The following PLA2G4F variants were observed in gnomAD, a reference collection of about 807,000 sequenced individuals.
The protein encoded by PLA2G4F is cytosolic phospholipase A2 zeta.
PLA2G4F carries 105 observed loss-of-function variants against 103.1 expected under a neutral mutation model. That is an observed-to-expected ratio of 1.02 (90% CI 0.87 to 1.20). The LOEUF (loss-of-function observed/expected upper bound fraction) is 1.20, where lower values mean the gene tolerates loss of function less well. Ranked by LOEUF, PLA2G4F falls within the 50% of genes most tolerant of loss-of-function variation. The pLI is 0.00. For synonymous variants in PLA2G4F, 468 were observed against 441.1 expected (o/e 1.06, Z -0.76); for missense variants, 1,155 against 1,075.9 (o/e 1.07, Z -1.03).
chr15:42,150,687 G>T lies in PLA2G4F; in HGVS notation c.692C>A (p.Pro231His). 1 of 1,613,832 alleles carries T rather than the reference G, an allele frequency of 6.2e-7. No individual in the cohort carries two copies. Among genetic ancestry groups the T allele is most frequent in the Non-Finnish European group, 8.5e-7 (1 of 1,179,940 alleles). ...LQPPTEPGLP[P>H]TFTFHVNPVL... ...TGGGTTCACGTGGAAGGTAAAGGTG[G>T]GTGGGAGGCCTGGCTCTGTGGGAGG... is the stretch of plus-strand genomic sequence containing the variant. The change falls in exon 8 of 20, where the codon CCC (proline) becomes CAC (histidine). Residue 231 changes from proline to histidine, a missense_variant. This residue lies in a region of PLA2G4F where 370 missense variants were observed against 364.9 expected (regional missense o/e 1.01). Coordinates refer to ENST00000397272, the MANE Select transcript of PLA2G4F (RefSeq NM_213600.4).
Position 42,150,719 on chromosome 15 carries a change from G to C in PLA2G4F, c.660C>G (p.Pro220=). 5 of 1,612,992 alleles carry C rather than the reference G, an allele frequency of 3.1e-6. No individual in the cohort carries two copies. Among genetic ancestry groups the C allele is most frequent in the Non-Finnish European group, 4.2e-6 (5 of 1,179,680 alleles). The change falls in exon 8 of 20, where the codon CCC becomes CCG. Residue 220 remains proline, a synonymous_variant. Transcript: ENST00000397272. The stretch of plus-strand genomic sequence containing the variant: ...GGCCTGGCTCTGTGGGAGGCTGCAG[G>C]GGCAAGAGCTGTGGCTTCTCGTAGG... ...PGAYEKPQLL[P]LQPPTEPGLP...
chr15:42,139,448 T>G lies in PLA2G4F; in HGVS notation c.*2536A>C, dbSNP rs2048811028. ...ACTTGTGGCCCCCTTTTTCTTCCCT[T>G]GCCTCATGAGGAGCTCTGACAAGTT... On this transcript the variant is annotated 3_prime_UTR_variant, in exon 20 of 20. Transcript: ENST00000397272. 1 of 152,166 alleles carries G rather than the reference T, an allele frequency of 6.6e-6. No homozygotes were observed. Among genetic ancestry groups the G allele is most frequent in the South Asian group, 2.1e-4 (1 of 4,820 alleles). The allele number at this position is 152,166 out of a possible 1,614,324, so 9.4% of individuals were successfully genotyped here. A position where few individuals can be genotyped will look rare whatever the true frequency, so the allele number is the denominator to read the frequency against.
At chr15:42,148,960 G>A (rs532924903) in intron 11 of PLA2G4F, 7 of 985,238 alleles carry the variant, frequency 7.1e-6, no homozygotes, top group East Asian at 1.1e-4. Flanking sequence ...CCTTGTCAGC[G>A]CTGGGCCACA....
chr15:42,147,415 C>T (rs2048904380), intron 12 of PLA2G4F, 69 bp from the exon 13 acceptor site: 1 of 1,481,380 alleles, frequency 6.8e-7, no homozygotes, highest in African/African-American at 1.4e-5. Flanking sequence ...GGTGCAGAGT[C>T]TGTGAGTGGC....
intron 11 of PLA2G4F, among the ~76,000 whole-genome samples, chr15:42,148,037 G>A (rs939345589): frequency 2.0e-5 from 3 of 152,094 alleles, no homozygotes; most frequent in Non-Finnish European, 2.9e-5. Context: ...AAATTAGCCG[G>A]GCATGGTGGT....
At position 42,150,430 on chromosome 15, in the gene PLA2G4F, G is replaced by C; in HGVS notation, c.828C>G (p.Ile276Met). ...GGCCTAGGGGCAGAGAGGAGAGCAG[G>C]ATGCCCCCCTCGCCCAGCTTGCTGG... Reference protein sequence around the residue: ...AQTSKLGEGGILLSSLPLGQE... With the variant: ...AQTSKLGEGGMLLSSLPLGQE... The change falls in exon 9 of 20, where the codon ATC (isoleucine) becomes ATG (methionine). Residue 276 changes from isoleucine to methionine, a missense_variant. Physicochemically the swap from Ile to Met is conservative, Grantham distance 10. Around this residue, in one of 3 missense-constraint regions of PLA2G4F, gnomAD observed 370 missense variants for 364.9 expected, o/e 1.01. Coordinates refer to ENST00000397272, the MANE Select transcript of PLA2G4F (RefSeq NM_213600.4). 1.9e-6 allele frequency: 3 copies of C among 1,613,470 alleles called. No individual in the cohort carries two copies. The highest frequency in any genetic ancestry group is 1.1e-5 in the South Asian group (1 of 90,958).
chr15:42,152,809 G>A (rs1278628246), intron 6 of PLA2G4F, 55 bp from the exon 7 acceptor site: 1 of 1,506,802 alleles, frequency 6.6e-7, no homozygotes, highest in East Asian at 2.5e-5. Context: ...CAGCCAGGAT[G>A]GAGAGAGGGA....
At position 42,147,701 on chromosome 15, in the gene PLA2G4F, C is replaced by G. The variant is rs140679522; in HGVS notation, c.1121G>C (p.Gly374Ala). ...GGTRAMSSLY[G>A]SLAGLQELGL... is the part of the protein sequence containing the mutation. ...GAGCTCCTGCAACCCTGCCAGGCTG[C>G]CGTACAGAGAAGACATGGCTCGGGT... The change falls in exon 12 of 20, where the codon GGC becomes GCC. Residue 374 changes from glycine to alanine, a missense_variant. Coordinates refer to ENST00000397272, the MANE Select transcript of PLA2G4F (RefSeq NM_213600.4). 1 of 1,613,964 alleles carries G rather than the reference C, an allele frequency of 6.2e-7. No homozygotes were observed. The highest frequency in any genetic ancestry group is 8.5e-7 in the Non-Finnish European group (1 of 1,179,996).
chr15:42,147,965 C>A (rs147884671), intron 11 of PLA2G4F: 3 of 354,464 alleles, frequency 8.5e-6, no homozygotes, highest in South Asian at 2.3e-4. Context: ...CCGAGGCGGG[C>A]GGATCATGAG....
At position 42,147,171 on chromosome 15, in the gene PLA2G4F, G is replaced by T; in HGVS notation, c.1372C>A (p.Leu458Ile). Residue 458 changes from leucine (L) to isoleucine (I), a missense_variant, in exon 13 of 20, where the codon CTC (leucine) becomes ATC (isoleucine). Physicochemically the swap from Leu to Ile is conservative, Grantham distance 5 (BLOSUM62 2). Coordinates refer to ENST00000397272, the MANE Select transcript of PLA2G4F (RefSeq NM_213600.4). ...ACAAGGAGGCCCCAGAGGTCGATGA[G>T]GGACACGCTGTGGCCACTGCGCTCC... ...VRERSGHSVS[L>I]IDLWGLLVEY... 6.2e-7 allele frequency: 1 copy of T among 1,612,960 alleles called. No individual in the cohort carries two copies.
intron 13 of PLA2G4F, chr15:42,146,647 C>T (rs1003462997): frequency 4.0e-5 from 9 of 226,320 alleles, no homozygotes; most frequent in Admixed American, 2.0e-4. Flanking sequence ...TCTCCACACA[C>T]GGGGTGGTGG....
At position 42,150,776 on chromosome 15, in the gene PLA2G4F, G is replaced by A; in HGVS notation, c.603C>T (p.Gly201=). The part of the protein sequence containing the change: ...GDGTAPREEY[G]SRQLQLAVPG... ...GCACTGCCAGCTGGAGCTGCCTAGAGCCTGAGAGCAGAGGGCCCAGGTGGG... is the reference window on the plus strand; with the variant it reads ...GCACTGCCAGCTGGAGCTGCCTAGAACCTGAGAGCAGAGGGCCCAGGTGGG... The change falls in exon 8 of 20, where the codon GGC becomes GGT. Residue 201 remains glycine (G), a splice_region_variant and synonymous_variant. Coordinates refer to ENST00000397272, the MANE Select transcript of PLA2G4F (RefSeq NM_213600.4). The A allele has an allele frequency of 1.9e-6, 3 of 1,606,218 alleles. No homozygotes were observed. The highest frequency in any genetic ancestry group is 8.5e-7 in the Non-Finnish European group (1 of 1,177,510).
At chr15:42,145,365 T>C (rs757289892) in intron 16 of PLA2G4F, among the ~76,000 whole-genome samples, 1 of 152,102 alleles carries the variant, frequency 6.6e-6, no homozygotes, top group African/African-American at 2.4e-5. Flanking sequence ...GTGGACCTAA[T>C]TGGATCCCAG....
At position 42,146,553 on chromosome 15, in the gene PLA2G4F, A is replaced by G. The variant is rs185824343; in HGVS notation, c.1420-312T>C. Reference sequence around the variant, plus strand: ...AAGGAATCCTTGAAAAGCCAGTCCAATTTCTTTAAAAAATAAATTACTAGA... The same window carrying G: ...AAGGAATCCTTGAAAAGCCAGTCCAGTTTCTTTAAAAAATAAATTACTAGA... On this transcript the variant is annotated intron_variant, in intron 13 of 19. Transcript: ENST00000397272. The G allele has an allele frequency of 5.3e-5, 16 of 303,960 alleles. No individual in the cohort carries two copies. The South Asian group carries it at 6.3e-4, about 12-fold the overall frequency. 18.8% of individuals were successfully genotyped at this position (303,960 alleles called of 1,614,324 possible).
chr15:42,143,327 C>T (rs1240443726), intron 18 of PLA2G4F, among the ~76,000 whole-genome samples: 1 of 152,152 alleles, frequency 6.6e-6, no homozygotes, highest in East Asian at 1.9e-4. Flanking sequence ...CTTCCCTTCT[C>T]TCACCCCTCT....
At chr15:42,146,262 G>A in intron 13 of PLA2G4F, 21 bp from the exon 14 acceptor site, 1 of 1,609,706 alleles carries the variant, frequency 6.2e-7, no homozygotes, top group Non-Finnish European at 8.5e-7. Flanking sequence ...AAGAAGGGAG[G>A]CAGCTTGGCC....
rs768566731 is a variant in PLA2G4F, at chr15:42,153,642, C to T, written c.469G>A (p.Val157Met). 2 of 1,614,238 alleles carry T rather than the reference C, an allele frequency of 1.2e-6. No homozygotes were observed. Among genetic ancestry groups the T allele is most frequent in the Non-Finnish European group, 1.7e-6 (2 of 1,180,040 alleles). The change falls in exon 5 of 20, where the codon GTG becomes ATG. Residue 157 changes from valine to methionine, a missense_variant. By Grantham distance (21) the Val-to-Met change is conservative. This residue lies in a region of PLA2G4F where 370 missense variants were observed against 364.9 expected (regional missense o/e 1.01). Coordinates refer to ENST00000397272, the MANE Select transcript of PLA2G4F (RefSeq NM_213600.4). ...LNHQDSQELQVEFVLEKSQVP... is the reference protein window; with the variant it reads ...LNHQDSQELQMEFVLEKSQVP... ...CACCTCTTCTCCAGAACAAATTCCA[C>T]CTGCAGCTCTTGTGAATCCTACATG...
chr15:42,150,655 T>C lies in PLA2G4F; in HGVS notation c.724A>G (p.Ser242Gly). 2 of 1,613,728 alleles carry C rather than the reference T, an allele frequency of 1.2e-6. No individual in the cohort carries two copies. The highest frequency in any genetic ancestry group is 1.7e-6 in the Non-Finnish European group (2 of 1,179,888). The change falls in exon 8 of 20, where the codon AGC (serine) becomes GGC (glycine). Residue 242 changes from serine to glycine, a missense_variant. By Grantham distance (56) the Ser-to-Gly change is moderately conservative (BLOSUM62 0). This residue lies in a region of PLA2G4F where 370 missense variants were observed against 364.9 expected (regional missense o/e 1.01). Coordinates refer to ENST00000397272, the MANE Select transcript of PLA2G4F (RefSeq NM_213600.4). The part of the protein sequence containing the change: ...TFTFHVNPVL[S>G]SRLHVELMEL... ...ATCAGCTCCACGTGTAGCCTGGAGC[T>C]CAGCACTGGGTTCACGTGGAAGGTA...
chr15:42,142,553 A>G lies in PLA2G4F; in HGVS notation c.2304T>C (p.Arg768=). 3.1e-6 allele frequency: 5 copies of G among 1,613,018 alleles called. No homozygotes were observed. Among genetic ancestry groups the G allele is most frequent in the South Asian group, 1.1e-5 (1 of 91,036 alleles). The stretch of plus-strand genomic sequence containing the variant: ...CTGGGGCCAGGTGTGTGCGGAAGGT[A>G]CGGTTAACCAGGGGGAAGTGCAGCA... ...PIVLHFPLVN[R]TFRTHLAPGV... is the part of the protein sequence containing the mutation. Residue 768 remains arginine, a synonymous_variant, in exon 19 of 20, where the codon CGT becomes CGC. Coordinates refer to ENST00000397272, the MANE Select transcript of PLA2G4F (RefSeq NM_213600.4).
Sources: gnomAD v4.1 joint callset for allele counts (sites outside exome capture counted in the v4.1 genomes callset) on GRCh38, gnomAD v4.1.1 for gene constraint, gnomAD v4.1.1 regional missense constraint, MANE v1.5 for transcripts, NCBI Gene and HGNC (gene_info 2026-07-23, HGNC 2026-07-21) for gene names.